The following MYO1B variants were observed in gnomAD, a reference collection of about 807,000 sequenced individuals.
MYO1B encodes myosin IB.
MYO1B carries 72 observed loss-of-function variants against 159.7 expected under a neutral mutation model. That is an observed-to-expected ratio of 0.45 (90% CI 0.37 to 0.55). The LOEUF (loss-of-function observed/expected upper bound fraction) is 0.55, where lower values mean the gene tolerates loss of function less well. Ranked by LOEUF, MYO1B falls within the 20% of genes least tolerant of loss-of-function variation. The pLI, the probability that MYO1B is intolerant of heterozygous loss-of-function variation, is 0.00. For missense variants in MYO1B, 1,062 were observed against 1,364.8 expected (o/e 0.78, Z 3.50); for synonymous variants, 468 against 473.8 (o/e 0.99, Z 0.16).
At chr2:191,393,266 T>C in intron 20 of MYO1B, 44 bp downstream of exon 20, 1 of 1,600,152 alleles carries the variant, frequency 6.2e-7, no homozygotes, top group Non-Finnish European at 8.5e-7. Context: ...CAATGCTAAT[T>C]TGCCAACATT....
intron 27 of MYO1B, 51 bp from the exon 28 acceptor site, chr2:191,413,997 G>A (rs1442924276): frequency 6.5e-7 from 1 of 1,539,718 alleles, no homozygotes; most frequent in South Asian, 1.3e-5. Context: ...TTTTTTTAGT[G>A]GTACTTTCAT....
chr2:191,348,465 A>G (rs554283311), intron 6 of MYO1B, among the ~76,000 whole-genome samples: 14 of 152,188 alleles, frequency 9.2e-5, no homozygotes, highest in Non-Finnish European at 1.9e-4. Flanking sequence ...TACATGGTCA[A>G]CCTCTGACTC....
At chr2:191,317,973 G>A (rs1690460190) in intron 3 of MYO1B, among the ~76,000 whole-genome samples, 1 of 151,998 alleles carries the variant, frequency 6.6e-6, no homozygotes, top group African/African-American at 2.4e-5. Flanking sequence ...TTTTTTGCAT[G>A]AATATGAGAA....
At chr2:191,350,469 C>T (rs67168805) in intron 7 of MYO1B, 93,776 of 272,212 alleles carry the variant, frequency 0.34, 16,431 homozygotes, top group South Asian at 0.48. Context: ...TAAATATTTG[C>T]GCTACTGTTT....
At chr2:191,363,109 A>C (rs1487366537) in intron 9 of MYO1B, among the ~76,000 whole-genome samples, 1 of 152,238 alleles carries the variant, frequency 6.6e-6, no homozygotes, top group African/African-American at 2.4e-5. Context: ...GCTGTTCTCA[A>C]AAAGAAAGTA....
chr2:191,364,423 A>G, intron 11 of MYO1B, 147 bp downstream of exon 11: 1 of 638,360 alleles, frequency 1.6e-6, no homozygotes, highest in Non-Finnish European at 2.7e-6. Context: ...AACTAAACAG[A>G]TAAGGATCCC....
chr2:191,393,360 CTT>C, intron 20 of MYO1B, 138 bp downstream of exon 20: 1 of 1,058,144 alleles, frequency 9.5e-7, no homozygotes, highest in Non-Finnish European at 1.3e-6. Flanking sequence ...CTTAATGGTT[CTT>C]TTTTTTAAAG....
intron 17 of MYO1B, among the ~76,000 whole-genome samples, chr2:191,389,538 C>T (rs1396150121): frequency 4.6e-5 from 7 of 152,140 alleles, no homozygotes; most frequent in Admixed American, 6.5e-5. Context: ...CTGGAGGAGA[C>T]GAAGGGGAGT....
chr2:191,376,863 C>T (rs941901004), intron 13 of MYO1B, among the ~76,000 whole-genome samples: 1 of 152,106 alleles, frequency 6.6e-6, no homozygotes, highest in South Asian at 2.1e-4. Flanking sequence ...TACCTGTCTT[C>T]CTTAAAGAGT....
At chr2:191,346,120 A>G in intron 5 of MYO1B, 116 bp from the exon 6 acceptor site, 2 of 816,130 alleles carry the variant, frequency 2.5e-6, no homozygotes. Flanking sequence ...CAGAAATATC[A>G]TTGCTACAAG....
At chr2:191,262,354 GTCC>G (rs1686868975) in intron 1 of MYO1B, among the ~76,000 whole-genome samples, 1 of 152,146 alleles carries the variant, frequency 6.6e-6, no homozygotes, top group African/African-American at 2.4e-5. Context: ...GCACAGAGCA[GTCC>G]TCCTCCCTGC....
chr2:191,400,616 G>A (rs1202324336), intron 22 of MYO1B, 133 bp from the exon 23 acceptor site: 5 of 1,308,474 alleles, frequency 3.8e-6, no homozygotes, highest in African/African-American at 2.9e-5. Context: ...TTTTGTTGTG[G>A]GGTGGTGGCA....
intron 11 of MYO1B, among the ~76,000 whole-genome samples, chr2:191,366,152 T>G (rs570942968): frequency 1.3e-5 from 2 of 152,356 alleles, no homozygotes; most frequent in South Asian, 2.1e-4. Flanking sequence ...AAAGCCTGTG[T>G]TGTTTAAGAA....
At chr2:191,263,721 T>C (rs1375798282) in intron 1 of MYO1B, 3 of 152,176 alleles carry the variant, frequency 2.0e-5, no homozygotes, top group Non-Finnish European at 2.9e-5. Context: ...TCCTATAGCT[T>C]TACAGGTTAT....
intron 16 of MYO1B, among the ~76,000 whole-genome samples, 180 bp from the exon 17 acceptor site, chr2:191,387,044 T>C (rs1008318952): frequency 1.3e-5 from 2 of 152,236 alleles, no homozygotes; most frequent in Non-Finnish European, 2.9e-5. Context: ...GTCTGTGATT[T>C]AGACAGATGG....
intron 11 of MYO1B, among the ~76,000 whole-genome samples, chr2:191,365,408 T>C (rs1360491346): frequency 6.6e-6 from 1 of 152,210 alleles, no homozygotes; most frequent in East Asian, 1.9e-4. Context: ...GCTTTCAACA[T>C]TGATATCTTA....
At chr2:191,371,568 A>G (rs2126041959) in intron 13 of MYO1B, among the ~76,000 whole-genome samples, 1 of 152,338 alleles carries the variant, frequency 6.6e-6, no homozygotes, top group Middle Eastern at 3.4e-3. Context: ...CCCCAGGGTT[A>G]TACAGCTACT....
At chr2:191,403,904 A>G (rs946039081) in intron 24 of MYO1B, among the ~76,000 whole-genome samples, 1 of 152,146 alleles carries the variant, frequency 6.6e-6, no homozygotes, top group African/African-American at 2.4e-5. Flanking sequence ...ATTTCAAAAC[A>G]TTTTTGCATT....
At chr2:191,312,690 A>G (rs1036529848) in intron 3 of MYO1B, among the ~76,000 whole-genome samples, 1 of 152,216 alleles carries the variant, frequency 6.6e-6, no homozygotes, top group African/African-American at 2.4e-5. Context: ...ACACCATCCA[A>G]TGTATTGTGT....
Sources: allele counts gnomAD v4.1 joint callset (sites outside exome capture counted in the v4.1 genomes callset), GRCh38; gene constraint gnomAD v4.1.1; transcripts MANE v1.5; gene names NCBI Gene and HGNC (gene_info 2026-07-23, HGNC 2026-07-21).